The following STEAP4 variants were observed in gnomAD, a reference collection of about 807,000 sequenced individuals.
The protein encoded by STEAP4 is metalloreductase STEAP4.
STEAP4 carries 36 observed loss-of-function variants against 43.6 expected under a neutral mutation model. The ratio of observed to expected loss-of-function variants is 0.83; its 90% CI spans 0.63 to 1.09. STEAP4 has a LOEUF of 1.09. Among genes scored for constraint, STEAP4 ranks in the 50% least tolerant of loss-of-function variants. The pLI, the probability that STEAP4 is intolerant of heterozygous loss-of-function variation, is 0.00. For missense variants in STEAP4, 495 were observed against 546.5 expected (o/e 0.91, Z 0.94); for synonymous variants, 191 against 196.7 (o/e 0.97, Z 0.24).
rs927540249 is a variant in STEAP4, at chr7:88,278,028, G to C, written c.*1370C>G. 3 of 150,544 alleles carry C rather than the reference G, an allele frequency of 2.0e-5. No individual in the cohort carries two copies. The highest frequency in any genetic ancestry group is 1.3e-4 in the Admixed American group (2 of 15,120). 9.3% of individuals were successfully genotyped at this position (150,544 alleles called of 1,614,324 possible). On this transcript the variant is annotated 3_prime_UTR_variant, in exon 5 of 5. Transcript: ENST00000380079. ...GTTTTAATATATTTTAATCATTTTT[G>C]TATAATGTCATGTATAATATGTTAT...
At chr7:88,293,575 C>T (rs776141091) in intron 1 of STEAP4, among the ~76,000 whole-genome samples, 10 of 152,086 alleles carry the variant, frequency 6.6e-5, no homozygotes, top group Non-Finnish European at 1.3e-4. Flanking sequence ...AAAAGTTTTA[C>T]TTATAAGTCT....
At chr7:88,291,912 A>T (rs1852840418) in intron 1 of STEAP4, among the ~76,000 whole-genome samples, 1 of 152,132 alleles carries the variant, frequency 6.6e-6, no homozygotes, top group African/African-American at 2.4e-5. Context: ...AATCTGCAGG[A>T]CTGGTTTTGC....
rs774815039 is a variant in STEAP4, at chr7:88,274,801, T to C, written c.*4597A>G. 6.6e-6 allele frequency: 1 copy of C among 152,186 alleles called. No individual in the cohort carries two copies. The highest frequency in any genetic ancestry group is 6.5e-5 in the Admixed American group (1 of 15,274). The allele number at this position is 152,186 out of a possible 1,614,324, so 9.4% of individuals were successfully genotyped here. ...GGGCTCCTCCTGCTTTTAGAACATA[T>C]AGGGTAACTTCTGGATGTGGCCATG... On this transcript the variant is annotated 3_prime_UTR_variant, in exon 5 of 5. Transcript: ENST00000380079.
intron 1 of STEAP4, among the ~76,000 whole-genome samples, chr7:88,293,140 C>T (rs894593510): frequency 6.6e-6 from 1 of 152,114 alleles, no homozygotes; most frequent in Non-Finnish European, 1.5e-5. Context: ...ATTTATGAGT[C>T]ATGATTTTTT....
At chr7:88,281,487 A>G (rs1162194731) in intron 3 of STEAP4, 1 of 155,964 alleles carries the variant, frequency 6.4e-6, no homozygotes, top group African/African-American at 2.4e-5. Context: ...CATGTTTATT[A>G]TACATGATAA....
chr7:88,289,268 A>G (rs62486435), intron 1 of STEAP4, among the ~76,000 whole-genome samples: 45 of 152,192 alleles, frequency 3.0e-4, no homozygotes, highest in Non-Finnish European at 6.2e-4. Flanking sequence ...AATAAAAAGG[A>G]AGATGCTGAA....
In STEAP4 at chr7:88,271,088, A is replaced by T. The variant is rs2115919058; in HGVS notation, c.*8310T>A. On this transcript the variant is annotated 3_prime_UTR_variant, in exon 5 of 5. Transcript: ENST00000380079. ...CAATATCCTCCTTCTAGCTATTTAG[A>T]ATATATATTATTGTTAACTGTAGTC... 1 of 152,188 alleles carries T rather than the reference A, an allele frequency of 6.6e-6. No homozygotes were observed. Among genetic ancestry groups the T allele is most frequent in the East Asian group, 1.9e-4 (1 of 5,184 alleles). 9.4% of individuals were successfully genotyped at this position (152,188 alleles called of 1,614,324 possible).
At chr7:88,285,803 GA>G in intron 1 of STEAP4, among the ~76,000 whole-genome samples, 1 of 146,022 alleles carries the variant, frequency 6.8e-6, no homozygotes. Context: ...AAGAAAAGTA[GA>G]AAAATTTTAA....
At chr7:88,287,464 G>A (rs1471935110) in intron 1 of STEAP4, among the ~76,000 whole-genome samples, 1 of 152,202 alleles carries the variant, frequency 6.6e-6, no homozygotes, top group African/African-American at 2.4e-5. Flanking sequence ...TGGAGAAGGA[G>A]TAATTCAGGC....
intron 1 of STEAP4, among the ~76,000 whole-genome samples, chr7:88,299,755 C>A (rs1852997934): frequency 6.6e-6 from 1 of 152,066 alleles, no homozygotes; most frequent in Non-Finnish European, 1.5e-5. Context: ...TAGATTAAGG[C>A]CAATAGGAAT....
At chr7:88,286,117 C>T (rs542893751) in intron 1 of STEAP4, among the ~76,000 whole-genome samples, 1 of 152,250 alleles carries the variant, frequency 6.6e-6, no homozygotes, top group South Asian at 2.1e-4. Context: ...CTAAAGAGGA[C>T]CAAATCAAGA....
In STEAP4 at chr7:88,279,263, C is replaced by T. The variant is rs1196295494; in HGVS notation, c.*135G>A. 10 of 708,692 alleles carry T rather than the reference C, an allele frequency of 1.4e-5. No individual in the cohort carries two copies. The highest frequency in any genetic ancestry group is 2.3e-5 in the Non-Finnish European group (10 of 429,660). 43.9% of individuals were successfully genotyped at this position (708,692 alleles called of 1,614,324 possible). A position where few individuals can be genotyped will look rare whatever the true frequency, so the allele number is the denominator to read the frequency against. On this transcript the variant is annotated 3_prime_UTR_variant, in exon 5 of 5. Transcript: ENST00000380079. ...AATTTCTCAAAGACAAGCAATGTTT[C>T]CCTCAGTCACGGTGTAAGAAAAAAA...
chr7:88,304,313 T>G (rs1421616526), intron 1 of STEAP4: 1 of 151,336 alleles, frequency 6.6e-6, no homozygotes, highest in Non-Finnish European at 1.5e-5. Context: ...TGTGCACATG[T>G]ACCCTAAAAC....
intron 1 of STEAP4, among the ~76,000 whole-genome samples, chr7:88,301,586 T>C (rs1586754981): frequency 6.8e-6 from 1 of 147,522 alleles, no homozygotes; most frequent in East Asian, 2.0e-4. Context: ...CCCATATCAC[T>C]TTTTTTTTTT....
intron 1 of STEAP4, among the ~76,000 whole-genome samples, chr7:88,298,633 A>C (rs1001319923): frequency 5.9e-5 from 9 of 152,114 alleles, no homozygotes; most frequent in Non-Finnish European, 1.3e-4. Flanking sequence ...ATTGCTGCCC[A>C]TTCTCTTACT....
chr7:88,301,819 G>A (rs1258719106), intron 1 of STEAP4, among the ~76,000 whole-genome samples: 3 of 151,378 alleles, frequency 2.0e-5, no homozygotes, highest in Non-Finnish European at 2.9e-5. Context: ...CAGGCAATCC[G>A]CCCGCCTCAG....
intron 1 of STEAP4, among the ~76,000 whole-genome samples, chr7:88,293,776 A>G (rs540595702): frequency 3.9e-5 from 6 of 152,170 alleles, no homozygotes; most frequent in African/African-American, 1.4e-4. Context: ...TGCATTCTCT[A>G]TTCTGTTCCA....
intron 1 of STEAP4, among the ~76,000 whole-genome samples, chr7:88,289,600 C>G (rs1191282480): frequency 6.6e-6 from 1 of 152,244 alleles, no homozygotes; most frequent in East Asian, 1.9e-4. Flanking sequence ...AGCATTTAGG[C>G]CTTTGTAGGG....
intron 1 of STEAP4, chr7:88,292,087 G>A (rs1852844281): frequency 6.6e-6 from 1 of 152,456 alleles, no homozygotes; most frequent in Non-Finnish European, 1.5e-5. Flanking sequence ...CCATGTGTGT[G>A]TGTGCGCGCG....
Sources: gnomAD v4.1 joint callset for allele counts (sites outside exome capture counted in the v4.1 genomes callset) on GRCh38, gnomAD v4.1.1 for gene constraint, MANE v1.5 for transcripts, NCBI Gene and HGNC (gene_info 2026-07-23, HGNC 2026-07-21) for gene names.